The following COL25A1 variants were observed in gnomAD, a reference collection of about 807,000 sequenced individuals.
The protein encoded by COL25A1 is collagen alpha-1(XXV) chain.
A neutral mutation model predicts 128.4 loss-of-function variants in COL25A1; 103 were observed. The ratio of observed to expected loss-of-function variants is 0.80; its 90% CI spans 0.68 to 0.94. The LOEUF (loss-of-function observed/expected upper bound fraction) is 0.94, where lower values mean the gene tolerates loss of function less well. Ranked by LOEUF, COL25A1 falls within the 40% of genes least tolerant of loss-of-function variation. The pLI, the probability that COL25A1 is intolerant of heterozygous loss-of-function variation, is 0.00. For missense variants in COL25A1, 745 were observed against 840.0 expected (o/e 0.89, Z 1.40); for synonymous variants, 279 against 277.2 (o/e 1.01, Z -0.06).
At chr4:109,145,454 T>C (rs1560766944) in intron 3 of COL25A1, among the ~76,000 whole-genome samples, 1 of 152,236 alleles carries the variant, frequency 6.6e-6, no homozygotes, top group Non-Finnish European at 1.5e-5. Context: ...ATCCTTAAAA[T>C]TGCCTTTCAT....
At chr4:109,227,403 A>C (rs1026427338) in intron 3 of COL25A1, among the ~76,000 whole-genome samples, 12 of 152,208 alleles carry the variant, frequency 7.9e-5, no homozygotes, top group Non-Finnish European at 1.3e-4. Flanking sequence ...TACACGACTG[A>C]ATAACTTGGC....
intron 5 of COL25A1, among the ~76,000 whole-genome samples, chr4:109,031,205 G>C (rs1051016240): frequency 6.6e-6 from 1 of 152,110 alleles, no homozygotes; most frequent in Non-Finnish European, 1.5e-5. Flanking sequence ...TCCACCTCCC[G>C]GGTCCACGCC....
intron 3 of COL25A1, among the ~76,000 whole-genome samples, chr4:109,172,459 C>G (rs905767294): frequency 6.6e-6 from 1 of 152,114 alleles, no homozygotes; most frequent in Non-Finnish European, 1.5e-5. Context: ...TTTATTTAAG[C>G]CTTCCTACAA....
chr4:108,981,878 T>G (rs965884049), intron 6 of COL25A1, among the ~76,000 whole-genome samples: 9 of 152,310 alleles, frequency 5.9e-5, no homozygotes, highest in Non-Finnish European at 1.2e-4. Context: ...TAAAATTTAT[T>G]TTTCAGATAC....
chr4:108,894,838 T>G lies in COL25A1; in HGVS notation c.906+1829A>C, dbSNP rs1257459002. Reference sequence around the variant, plus strand: ...TAAACAGATTCATGCCATATTTGATTGCAGCATGATACTTAAATTTGGCAG... The same window carrying G: ...TAAACAGATTCATGCCATATTTGATGGCAGCATGATACTTAAATTTGGCAG... On this transcript the variant is annotated intron_variant, in intron 16 of 37. Coordinates refer to ENST00000399132, the MANE Select transcript of COL25A1 (RefSeq NM_198721.4). Among the ~76,000 whole-genome samples, 3 of 152,242 alleles carry G rather than the reference T, an allele frequency of 2.0e-5. No individual in the cohort carries two copies. The East Asian group carries it at 5.8e-4, about 29-fold the overall frequency.
At position 109,161,165 on chromosome 4, in the gene COL25A1, T is replaced by C. The variant is rs1187348479; in HGVS notation, c.368-110986A>G. 2.0e-5 allele frequency among the ~76,000 whole-genome samples: 3 copies of C among 152,230 alleles called. No individual in the cohort carries two copies. The East Asian group carries it at 5.8e-4, about 29-fold the overall frequency. ...AATTTCAACTACATCATGATCTAGT[T>C]GGGGAACTAGAACCAGGGGAAATTT... On this transcript the variant is annotated intron_variant, in intron 3 of 37. Transcript: ENST00000399132.
intron 5 of COL25A1, among the ~76,000 whole-genome samples, chr4:109,011,874 A>C (rs935314172): frequency 5.3e-5 from 8 of 152,212 alleles, no homozygotes; most frequent in Non-Finnish European, 1.0e-4. Context: ...TTGCTTCCAG[A>C]AGCATACCTA....
intron 8 of COL25A1, among the ~76,000 whole-genome samples, chr4:108,964,011 G>A (rs1045013744): frequency 6.1e-5 from 9 of 148,172 alleles, no homozygotes; most frequent in Non-Finnish European, 1.2e-4. Context: ...TCCATAAAAT[G>A]GAAATAATTA....
intron 6 of COL25A1, among the ~76,000 whole-genome samples, chr4:108,997,154 C>CA (rs1480545059): frequency 6.6e-6 from 1 of 151,912 alleles, no homozygotes; most frequent in Non-Finnish European, 1.5e-5. Context: ...GATAGAGACA[C>CA]AAAAAACCCT....
At position 108,812,795 on chromosome 4, in the gene COL25A1, GTAAGC is replaced by G. The variant is rs1483680360; in HGVS notation, c.*1127_*1131del. ...AACAACTTTGGCACAGATTGTCCCA[GTAAGC>G]TCTCCTATATCATCGGGAGAGGCGA... On this transcript the variant is annotated 3_prime_UTR_variant, in exon 38 of 38. Transcript: ENST00000399132. 5 of 152,292 alleles carry G rather than the reference GTAAGC, an allele frequency of 3.3e-5. No homozygotes were observed. The highest frequency in any genetic ancestry group is 1.2e-4 in the African/African-American group (5 of 41,558). The allele number at this position is 152,292 out of a possible 1,614,324, so 9.4% of individuals were successfully genotyped here.
chr4:109,043,416 G>A (rs1333237296), intron 5 of COL25A1, among the ~76,000 whole-genome samples: 5 of 151,958 alleles, frequency 3.3e-5, no homozygotes, highest in East Asian at 1.9e-4. Flanking sequence ...AAGATTCTAG[G>A]GTTCAAACCG....
intron 3 of COL25A1, among the ~76,000 whole-genome samples, chr4:109,271,228 T>C (rs1170431916): frequency 6.6e-6 from 1 of 152,174 alleles, no homozygotes; most frequent in African/African-American, 2.4e-5. Context: ...CCTAGTAATG[T>C]AGAAAAGCAA....
intron 3 of COL25A1, among the ~76,000 whole-genome samples, chr4:109,108,187 C>A (rs867930982): frequency 3.2e-4 from 48 of 152,202 alleles, no homozygotes; most frequent in Admixed American, 5.9e-4. Flanking sequence ...CGGCTCCCCC[C>A]ACCCCACAAC....
At chr4:108,988,007 C>T (rs1476719690) in intron 6 of COL25A1, among the ~76,000 whole-genome samples, 1 of 152,080 alleles carries the variant, frequency 6.6e-6, no homozygotes, top group Non-Finnish European at 1.5e-5. Flanking sequence ...ATACCAGGGC[C>T]CTTGAGGGTA....
In COL25A1 at chr4:108,887,047, C is replaced by T. The variant is rs372343745; in HGVS notation, c.975+2174G>A. Among the ~76,000 whole-genome samples, 334 of 152,268 alleles carry T rather than the reference C, an allele frequency of 2.2e-3. 1 individual carries two copies. Among genetic ancestry groups the T allele is most frequent in the African/African-American group, 7.6e-3 (317 of 41,558 alleles). On this transcript the variant is annotated intron_variant, in intron 18 of 37. Transcript: ENST00000399132. ...ACACAATACTTATTTTATAAATCTACACACTCACTCTACAAGCACATATAT... is the reference window on the plus strand; with the variant it reads ...ACACAATACTTATTTTATAAATCTATACACTCACTCTACAAGCACATATAT...
At position 109,110,546 on chromosome 4, in the gene COL25A1, C is replaced by G. The variant is rs538863172; in HGVS notation, c.368-60367G>C. ...CTGTAGTTTGAGCTCTCATATCACT[C>G]CTGATCTCGAGGTCAATATTACCAA... On this transcript the variant is annotated intron_variant, in intron 3 of 37. Transcript: ENST00000399132. Among the ~76,000 whole-genome samples, 40 of 152,242 alleles carry G rather than the reference C, an allele frequency of 2.6e-4. 1 individual carries two copies. The highest frequency in any genetic ancestry group is 8.7e-4 in the African/African-American group (36 of 41,550).
intron 13 of COL25A1, among the ~76,000 whole-genome samples, chr4:108,913,409 C>G (rs1318016567): frequency 6.6e-6 from 1 of 151,818 alleles, no homozygotes; most frequent in Non-Finnish European, 1.5e-5. Context: ...CAGGCATGCA[C>G]CACCATGCCC....
intron 3 of COL25A1, among the ~76,000 whole-genome samples, chr4:109,222,634 T>C (rs1778507805): frequency 6.6e-6 from 1 of 152,172 alleles, no homozygotes. Flanking sequence ...GGATTTAGAA[T>C]CCTTACTTCA....
At chr4:108,908,062 AC>A in intron 13 of COL25A1, among the ~76,000 whole-genome samples, 1 of 152,248 alleles carries the variant, frequency 6.6e-6, no homozygotes, top group East Asian at 1.9e-4. Context: ...TAAAGACGTT[AC>A]CTGTTCATTC....
Sources: gnomAD v4.1 joint callset for allele counts (sites outside exome capture counted in the v4.1 genomes callset) on GRCh38, gnomAD v4.1.1 for gene constraint, MANE v1.5 for transcripts, NCBI Gene and HGNC (gene_info 2026-07-23, HGNC 2026-07-21) for gene names.